Variants in TTN observed in about 807,000 individuals in gnomAD.
TTN encodes connectin.
In TTN, 1,525 loss-of-function variants were observed where a neutral mutation model predicts 3,223.0. The observed-to-expected ratio is 0.47, with a 90% confidence interval of 0.45 to 0.49. The LOEUF is 0.49. Among genes scored for constraint, TTN ranks in the 20% least tolerant of loss-of-function variants. The probability of loss-of-function intolerance (pLI) is 0.00; values close to 1 mark genes in which losing one functional copy is unlikely to be tolerated. For synonymous variants in TTN, 14,094 were observed against 15,161.0 expected (o/e 0.93, Z 5.17); for missense variants, 40,786 against 43,424.0 (o/e 0.94, Z 5.40).
chr2:178,703,360 A>T (rs1024748427), intron 106 of TTN, among the ~76,000 whole-genome samples: 1 of 152,204 alleles, frequency 6.6e-6, no homozygotes, highest in African/African-American at 2.4e-5. Context: ...TTAAAAAATA[A>T]TTAGTACTTG....
In TTN at chr2:178,599,054, C is replaced by T; in HGVS notation, c.56656G>A (p.Gly18886Arg). Reference protein sequence around the residue: ...ETARNLFSVPGAPDKPTVSSV... With the variant: ...ETARNLFSVPRAPDKPTVSSV... Reference sequence around the variant, plus strand: ...CTAACTGTTGGTTTATCTGGTGCTCCAGGGACAGCTGTGAAAAAGATCATA... The same window carrying T: ...CTAACTGTTGGTTTATCTGGTGCTCTAGGGACAGCTGTGAAAAAGATCATA... The change falls in exon 291 of 363, where the codon GGA (glycine) becomes AGA (arginine). Residue 18886 changes from glycine (G) to arginine (R), a missense_variant. Coordinates refer to ENST00000589042, the MANE Select transcript of TTN (RefSeq NM_001267550.2). 6.5e-7 allele frequency: 1 copy of T among 1,548,512 alleles called. No individual in the cohort carries two copies. Among genetic ancestry groups the T allele is most frequent in the Non-Finnish European group, 8.7e-7 (1 of 1,151,840 alleles).
At chr2:178,640,388 T>C (rs952674569) in intron 221 of TTN, among the ~76,000 whole-genome samples, 153 bp downstream of exon 221, 2 of 152,036 alleles carry the variant, frequency 1.3e-5, no homozygotes, top group Non-Finnish European at 2.9e-5. Context: ...CATTAGCCAA[T>C]TGCATAGGAG....
chr2:178,652,769 G>T lies in TTN; in HGVS notation c.38960-33C>A, dbSNP rs371373712. 8.2e-5 allele frequency: 132 copies of T among 1,609,322 alleles called. No individual in the cohort carries two copies. The East Asian group carries it at 1.5e-3, about 19-fold the overall frequency. ...GATATTAGTGAAATTACATTTAGGGGTTATGAAGACCACTAGAAAAAATAT... is the reference window on the plus strand; with the variant it reads ...GATATTAGTGAAATTACATTTAGGGTTTATGAAGACCACTAGAAAAAATAT... On this transcript the variant is annotated intron_variant, in intron 200 of 362. Transcript: ENST00000589042.
intron 6 of TTN, among the ~76,000 whole-genome samples, chr2:178,798,223 C>T (rs937497204): frequency 6.6e-6 from 1 of 152,062 alleles, no homozygotes; most frequent in Non-Finnish European, 1.5e-5. Context: ...AAAAAATTTT[C>T]TTGGCAGGGA....
rs562388175 is a variant in TTN at position 178,678,348 on chromosome 2, T to C, written c.33910+66A>G. ...AAAATGTACAATGTAATGGGGAAATTTGTATGTGAGTATACATAGATGTGA... is the reference window on the plus strand; with the variant it reads ...AAAATGTACAATGTAATGGGGAAATCTGTATGTGAGTATACATAGATGTGA... On this transcript the variant is annotated intron_variant, in intron 144 of 362. Transcript: ENST00000589042. 3.3e-5 allele frequency: 50 copies of C among 1,501,916 alleles called. No individual in the cohort carries two copies. In the South Asian group the frequency reaches 3.9e-4, roughly 12 times the overall value. The allele number at this position is 1,501,916 out of a possible 1,614,324, so 93.0% of individuals were successfully genotyped here. A position where few individuals can be genotyped will look rare whatever the true frequency, so the allele number is the denominator to read the frequency against.
Position 178,573,230 on chromosome 2 carries a change from T to G in TTN, c.72902A>C (p.Asn24301Thr). The G allele has an allele frequency of 6.2e-7, 1 of 1,606,594 alleles. No individual in the cohort carries two copies. Among genetic ancestry groups the G allele is most frequent in the Non-Finnish European group, 8.5e-7 (1 of 1,175,330 alleles). ...ACTTGGTGCACTAATTCCAGCAGCATTTTCAGCCATAATCCTGAACTCATA... is the reference window on the plus strand; with the variant it reads ...ACTTGGTGCACTAATTCCAGCAGCAGTTTCAGCCATAATCCTGAACTCATA... Reference protein sequence around the residue: ...HEYEFRIMAENAAGISAPSPT... With the variant: ...HEYEFRIMAETAAGISAPSPT... The change falls in exon 326 of 363, where the codon AAT becomes ACT. Residue 24301 changes from asparagine (N) to threonine (T), a missense_variant. Transcript: ENST00000589042.
Position 178,719,252 on chromosome 2 carries a change from C to A in TTN, c.24138G>T (p.Leu8046Phe), listed in dbSNP as rs375154651. The A allele has an allele frequency of 3.7e-6, 6 of 1,613,636 alleles. No homozygotes were observed. Among genetic ancestry groups the A allele is most frequent in the Non-Finnish European group, 5.1e-6 (6 of 1,179,764 alleles). The change falls in exon 83 of 363, where the codon TTG (leucine) becomes TTT (phenylalanine). Residue 8046 changes from leucine to phenylalanine, a missense_variant. Coordinates refer to ENST00000589042, the MANE Select transcript of TTN (RefSeq NM_001267550.2). ...ATATGCCTGTGTCGGAGGGCTCCAA[C>A]AAGCTCAGATTCAAAGTACAGACGT... ...SENVCTLNLS[L>F]LEPSDTGIYT... is the part of the protein sequence containing the mutation.
chr2:178,635,420 TA>T lies in TTN; in HGVS notation c.41884+19del. The T allele has an allele frequency of 6.2e-7, 1 of 1,602,290 alleles. No individual in the cohort carries two copies. The highest frequency in any genetic ancestry group is 8.5e-7 in the Non-Finnish European group (1 of 1,176,108). On this transcript the variant is annotated intron_variant, in intron 227 of 362. Coordinates refer to ENST00000589042, the MANE Select transcript of TTN (RefSeq NM_001267550.2). ...ACATACGCAAAACTTATAATTTGAA[TA>T]AAAGGTAAGATTTTATACCTCCAAG...
chr2:178,600,819 A>G (rs202170694), intron 288 of TTN, 35 bp downstream of exon 288: 4 of 1,611,540 alleles, frequency 2.5e-6, no homozygotes, highest in Non-Finnish European at 3.4e-6. Flanking sequence ...GGCAGCTGTA[A>G]GGAGGACATT....
chr2:178,590,502 A>C lies in TTN; in HGVS notation c.61223T>G (p.Val20408Gly). 6.2e-7 allele frequency: 1 copy of C among 1,613,010 alleles called. No individual in the cohort carries two copies. Among genetic ancestry groups the C allele is most frequent in the Non-Finnish European group, 8.5e-7 (1 of 1,179,376 alleles). The stretch of plus-strand genomic sequence containing the variant: ...TGCTGTGCCAGGTTTCTGACATTCC[A>C]CTACATATCCTAGAATGGGGCTACC... ...DGGSPILGYV[V>G]ECQKPGTAQW... The change falls in exon 304 of 363, where the codon GTG becomes GGG. Residue 20408 changes from valine to glycine, a missense_variant. Val to Gly is a moderately radical substitution (Grantham distance 109). Transcript: ENST00000589042.
chr2:178,768,598 C>A (rs2090943293), intron 38 of TTN, 75 bp downstream of exon 38: 15 of 1,596,442 alleles, frequency 9.4e-6, no homozygotes, highest in Non-Finnish European at 1.0e-5. Flanking sequence ...TTTATCCATT[C>A]ATTAATTGAT....
Position 178,530,320 on chromosome 2 carries a change from G to A in TTN, c.106295C>T (p.Ser35432Phe). Residue 35432 changes from serine to phenylalanine, a missense_variant, in exon 358 of 363, where the codon TCT (serine) becomes TTT (phenylalanine). Physicochemically the swap from Ser to Phe is radical, Grantham distance 155. Coordinates refer to ENST00000589042, the MANE Select transcript of TTN (RefSeq NM_001267550.2). ...TGCAAATTTAGCAACACTGTCTGAA[G>A]AAACAGTTGTATCCTGCAACCCAGT... is the stretch of plus-strand genomic sequence containing the variant. ...IVTGLQDTTV[S>F]SDSVAKFAVK... The A allele has an allele frequency of 6.2e-7, 1 of 1,613,958 alleles. No homozygotes were observed. Among genetic ancestry groups the A allele is most frequent in the Non-Finnish European group, 8.5e-7 (1 of 1,179,862 alleles).
chr2:178,774,270 C>T lies in TTN; in HGVS notation c.6994G>A (p.Asp2332Asn), dbSNP rs771180382. The change falls in exon 30 of 363, where the codon GAC becomes AAC. Residue 2332 changes from aspartate to asparagine, a missense_variant. Physicochemically the swap from Asp to Asn is conservative, Grantham distance 23. Coordinates refer to ENST00000589042, the MANE Select transcript of TTN (RefSeq NM_001267550.2). The stretch of plus-strand genomic sequence containing the variant: ...ATGACAAAGCTGTATTCTCCCTGGT[C>T]CTCCTTGGTTACATCCTTGACCGTG... ...NLTVKDVTKE[D>N]QGEYSFVIDG... The T allele has an allele frequency of 3.7e-6, 6 of 1,613,920 alleles. No homozygotes were observed. In the Admixed American group the frequency reaches 6.7e-5, roughly 18 times the overall value.
At chr2:178,674,256 T>G in intron 151 of TTN, 58 bp downstream of exon 151, 1 of 999,156 alleles carries the variant, frequency 1.0e-6, no homozygotes, top group Non-Finnish European at 1.5e-6. Context: ...ATTTAGCTAC[T>G]GAGAAAGATT....
In TTN at chr2:178,611,105, G is replaced by T; in HGVS notation, c.51024C>A (p.Ile17008=). 1 of 1,612,850 alleles carries T rather than the reference G, an allele frequency of 6.2e-7. No homozygotes were observed. The highest frequency in any genetic ancestry group is 1.3e-5 in the African/African-American group (1 of 74,976). Residue 17008 remains isoleucine (I), a synonymous_variant, in exon 270 of 363, where the codon ATC becomes ATA. Coordinates refer to ENST00000589042, the MANE Select transcript of TTN (RefSeq NM_001267550.2). ...SDRLTMKNDH[I]SAHLEVPKSV... is the part of the protein sequence containing the mutation. The stretch of plus-strand genomic sequence containing the variant: ...TCTTGGGAACTTCAAGGTGTGCAGA[G>T]ATGTGATCATTCTTCATTGTTAATC...
At position 178,574,124 on chromosome 2, in the gene TTN, T is replaced by G; in HGVS notation, c.72008A>C (p.Asn24003Thr). 6.2e-7 allele frequency: 1 copy of G among 1,613,558 alleles called. No homozygotes were observed. Among genetic ancestry groups the G allele is most frequent in the Non-Finnish European group, 8.5e-7 (1 of 1,179,622 alleles). ...AAYEFRVIAK[N>T]AAGAISPPSE... is the part of the protein sequence containing the mutation. ...TGGTGGACTGATGGCACCTGCAGCA[T>G]TTTTGGCGATCACACGGAATTCATA... is the stretch of plus-strand genomic sequence containing the variant. Residue 24003 changes from asparagine (N) to threonine (T), a missense_variant, in exon 326 of 363, where the codon AAT (asparagine) becomes ACT (threonine). Coordinates refer to ENST00000589042, the MANE Select transcript of TTN (RefSeq NM_001267550.2).
At chr2:178,669,839 G>C (rs1002886644) in intron 157 of TTN, among the ~76,000 whole-genome samples, 164 bp from the exon 158 acceptor site, 8 of 151,962 alleles carry the variant, frequency 5.3e-5, no homozygotes, top group African/African-American at 1.9e-4. Context: ...TTGCTTTGTC[G>C]ATGAGTTCTT....
chr2:178,736,640 A>C (rs1216427812), intron 49 of TTN, among the ~76,000 whole-genome samples: 1 of 152,182 alleles, frequency 6.6e-6, no homozygotes, highest in Non-Finnish European at 1.5e-5. Context: ...TTGAAGCCAG[A>C]CTTTCAGAAC....
chr2:178,642,139 A>C, intron 219 of TTN, 98 bp downstream of exon 219: 2 of 978,916 alleles, frequency 2.0e-6, no homozygotes, highest in Non-Finnish European at 2.8e-6. Context: ...ATAGCGAACC[A>C]ATTCAAAGAA....
Sources: gnomAD v4.1 joint callset for allele counts (sites outside exome capture counted in the v4.1 genomes callset) on GRCh38, gnomAD v4.1.1 for gene constraint, MANE v1.5 for transcripts, NCBI Gene and HGNC (gene_info 2026-07-23, HGNC 2026-07-21) for gene names.